The following C3orf20 variants were observed in gnomAD, a reference collection of about 807,000 sequenced individuals.
C3orf20 encodes the protein uncharacterized protein C3orf20.
C3orf20 carries 76 observed loss-of-function variants against 88.3 expected under a neutral mutation model. The ratio of observed to expected loss-of-function variants is 0.86; its 90% CI spans 0.72 to 1.04. The LOEUF is 1.04. Among genes scored for constraint, C3orf20 ranks in the 50% least tolerant of loss-of-function variants. The probability of loss-of-function intolerance (pLI) is 0.00; values close to 1 mark genes in which losing one functional copy is unlikely to be tolerated. For synonymous variants in C3orf20, 436 were observed against 437.4 expected (o/e 1.00, Z 0.04); for missense variants, 1,056 against 1,123.3 (o/e 0.94, Z 0.86).
At chr3:14,766,736 G>T (rs1000924746) in intron 15 of C3orf20, among the ~76,000 whole-genome samples, 1 of 152,232 alleles carries the variant, frequency 6.6e-6, no homozygotes, top group Non-Finnish European at 1.5e-5. Context: ...CCACCAGGCA[G>T]GGAGGGCAGT....
rs763094982 is a variant in C3orf20 at position 14,684,272 on chromosome 3, G to A, written c.515G>A (p.Arg172His). The A allele has an allele frequency of 9.9e-6, 16 of 1,614,108 alleles. 1 individual carries two copies. The highest frequency in any genetic ancestry group is 4.4e-5 in the South Asian group (4 of 91,078). ...VGANPLDITR[R>H]FVEASQLLHL... The stretch of plus-strand genomic sequence containing the variant: ...GCCAACCCCTTGGACATCACCAGGC[G>A]CTTTGTGGAGGCCAGCCAGCTCCTC... The change falls in exon 4 of 17, where the codon CGC becomes CAC. Residue 172 changes from arginine (R) to histidine (H), a missense_variant. Physicochemically the swap from Arg to His is conservative, Grantham distance 29 (BLOSUM62 0). Transcript: ENST00000253697.
In C3orf20 at chr3:14,682,794, ACTC is replaced by A. The variant is rs2032166655; in HGVS notation, c.85_87del (p.Leu29del). 5 of 1,613,902 alleles carry A rather than the reference ACTC, an allele frequency of 3.1e-6. No homozygotes were observed. The highest frequency in any genetic ancestry group is 4.2e-6 in the Non-Finnish European group (5 of 1,179,970). ...CCAAGCTACTGGCCCGCATCTCCAA[ACTC>A]CTCATGATCTGCCAGAATGCAGGCA... On this transcript the variant is annotated inframe_deletion, in exon 3 of 17. Transcript: ENST00000253697.
chr3:14,717,152 A>G (rs985955527), intron 9 of C3orf20, among the ~76,000 whole-genome samples: 1 of 152,212 alleles, frequency 6.6e-6, no homozygotes, highest in Non-Finnish European at 1.5e-5. Flanking sequence ...AGCTTCTCTG[A>G]GTCTCAGCTG....
At chr3:14,715,512 C>T (rs2033905867) in intron 9 of C3orf20, 103 bp downstream of exon 9, 2 of 1,391,764 alleles carry the variant, frequency 1.4e-6, no homozygotes, top group South Asian at 1.9e-5. Context: ...CCCAGGGCTA[C>T]CCGTAAGACA....
chr3:14,766,922 G>A (rs7614055), intron 15 of C3orf20: 107 of 79,144 alleles, frequency 1.4e-3, no homozygotes, highest in African/African-American at 0.011. Context: ...GTGGCCAGGC[G>A]GCTTTGAGGA....
chr3:14,702,528 C>T, intron 5 of C3orf20, among the ~76,000 whole-genome samples: 1 of 151,758 alleles, frequency 6.6e-6, no homozygotes, highest in East Asian at 1.9e-4. Context: ...GCAACCTCCA[C>T]CTCCCGGGTT....
intron 12 of C3orf20, among the ~76,000 whole-genome samples, chr3:14,751,679 C>T (rs1575152823): frequency 6.6e-6 from 1 of 152,146 alleles, no homozygotes; most frequent in African/African-American, 2.4e-5. Context: ...CATTCCTATA[C>T]ACCAAGAACA....
At chr3:14,766,999 G>A (rs1213313579) in intron 15 of C3orf20, 2 of 152,392 alleles carry the variant, frequency 1.3e-5, no homozygotes, top group African/African-American at 2.4e-5. Flanking sequence ...TGGAGCACAG[G>A]AGACCAGCGA....
intron 6 of C3orf20, among the ~76,000 whole-genome samples, chr3:14,703,549 G>T (rs1160796522): frequency 6.6e-6 from 1 of 152,224 alleles, no homozygotes; most frequent in Admixed American, 6.5e-5. Context: ...GGAAACTGAG[G>T]CAGCCTAAGC....
chr3:14,764,450 C>A (rs1057263598), intron 15 of C3orf20, among the ~76,000 whole-genome samples: 1 of 152,144 alleles, frequency 6.6e-6, no homozygotes, highest in Non-Finnish European at 1.5e-5. Flanking sequence ...ACAAACCACC[C>A]AAGCTTTGTA....
chr3:14,719,994 G>GT (rs1428135651), intron 9 of C3orf20, among the ~76,000 whole-genome samples: 18 of 148,486 alleles, frequency 1.2e-4, no homozygotes, highest in African/African-American at 2.2e-4. Flanking sequence ...AGAGAGGAGG[G>GT]TTTTTTTTGT....
At position 14,684,286 on chromosome 3, in the gene C3orf20, A is replaced by G. The variant is rs144138671; in HGVS notation, c.529A>G (p.Ser177Gly). Residue 177 changes from serine to glycine, a missense_variant, in exon 4 of 17, where the codon AGC (serine) becomes GGC (glycine). Coordinates refer to ENST00000253697, the MANE Select transcript of C3orf20 (RefSeq NM_032137.5). ...CATCACCAGGCGCTTTGTGGAGGCC[A>G]GCCAGCTCCTCCACCTCAATGCCAA... ...LDITRRFVEA[S>G]QLLHLNAKEM... The G allele has an allele frequency of 1.2e-5, 20 of 1,614,192 alleles. No individual in the cohort carries two copies. Among genetic ancestry groups the G allele is most frequent in the Non-Finnish European group, 1.7e-5 (20 of 1,180,040 alleles).
At chr3:14,761,738 G>C (rs925108454) in intron 15 of C3orf20, 123 bp downstream of exon 15, 1 of 951,680 alleles carries the variant, frequency 1.1e-6, no homozygotes, top group Admixed American at 2.1e-5. Context: ...GGAGTGGGGA[G>C]GGGGGCTGGA....
Position 14,759,932 on chromosome 3 carries a change from C to T in C3orf20, c.2286C>T (p.Asp762=), listed in dbSNP as rs752460251. The T allele has an allele frequency of 2.5e-6, 4 of 1,614,030 alleles. No individual in the cohort carries two copies. Among genetic ancestry groups the T allele is most frequent in the Non-Finnish European group, 3.4e-6 (4 of 1,180,006 alleles). Residue 762 remains aspartate (D), a synonymous_variant, in exon 14 of 17, where the codon GAC becomes GAT. Transcript: ENST00000253697. ...ACCGCCTGCTGCAGTATGACCTGGACAGCCCCCTGCAGGAGGACCCTCCCC... is the reference window on the plus strand; with the variant it reads ...ACCGCCTGCTGCAGTATGACCTGGATAGCCCCCTGCAGGAGGACCCTCCCC... The part of the protein sequence containing the change: ...DSYRLLQYDL[D]SPLQEDPPLM...
intron 10 of C3orf20, chr3:14,722,460 C>T: frequency 6.6e-6 from 3 of 456,610 alleles, no homozygotes; most frequent in Non-Finnish European, 1.3e-5. Flanking sequence ...AGAAGAGTTT[C>T]CCTAAAGGAA....
chr3:14,697,016 A>G (rs1423531056), intron 5 of C3orf20, among the ~76,000 whole-genome samples: 3 of 152,118 alleles, frequency 2.0e-5, no homozygotes, highest in Admixed American at 6.5e-5. Context: ...GGCCTGCAAC[A>G]TTTCCACTGA....
At chr3:14,742,428 G>A (rs2034931303) in intron 12 of C3orf20, among the ~76,000 whole-genome samples, 1 of 152,190 alleles carries the variant, frequency 6.6e-6, no homozygotes, top group Non-Finnish European at 1.5e-5. Flanking sequence ...TGGCCCAGGT[G>A]GAGAGACCCC....
chr3:14,765,897 T>C (rs1035882442), intron 15 of C3orf20, among the ~76,000 whole-genome samples: 3 of 152,048 alleles, frequency 2.0e-5, no homozygotes, highest in Admixed American at 6.6e-5. Flanking sequence ...GAAGAAAGGG[T>C]CCCCACGGGG....
At chr3:14,746,370 T>C (rs1280412479) in intron 12 of C3orf20, among the ~76,000 whole-genome samples, 1 of 152,172 alleles carries the variant, frequency 6.6e-6, no homozygotes, top group Non-Finnish European at 1.5e-5. Context: ...TGCTACTAGG[T>C]AAATTTAGTC....
Sources: allele counts gnomAD v4.1 joint callset (sites outside exome capture counted in the v4.1 genomes callset), GRCh38; gene constraint gnomAD v4.1.1; transcripts MANE v1.5; gene names NCBI Gene and HGNC (gene_info 2026-07-23, HGNC 2026-07-21).